Variants in ZDHHC13 observed in about 807,000 individuals in gnomAD.
ZDHHC13 encodes the protein zDHHC palmitoyltransferase 13.
In ZDHHC13, 85 loss-of-function variants were observed where a neutral mutation model predicts 86.0. The ratio of observed to expected loss-of-function variants is 0.99; its 90% CI spans 0.83 to 1.18. ZDHHC13 has a LOEUF of 1.18. Ranked by LOEUF, ZDHHC13 falls within the 50% of genes most tolerant of loss-of-function variation. The pLI, the probability that ZDHHC13 is intolerant of heterozygous loss-of-function variation, is 0.00. For synonymous variants in ZDHHC13, 263 were observed against 246.4 expected (o/e 1.07, Z -0.63); for missense variants, 711 against 730.2 (o/e 0.97, Z 0.30).
At chr11:19,137,859 C>G (rs200586148) in intron 1 of ZDHHC13, among the ~76,000 whole-genome samples, 3,518 of 151,990 alleles carry the variant, frequency 0.023, 22 homozygotes, top group East Asian at 0.12. Flanking sequence ...TTCTTTGAAA[C>G]CAACGAGAAC....
intron 16 of ZDHHC13, 142 bp downstream of exon 16, chr11:19,172,962 G>A (rs1850264343): frequency 4.5e-6 from 3 of 673,386 alleles, no homozygotes; most frequent in East Asian, 6.0e-5. Flanking sequence ...TCTTAGAGAA[G>A]CTTTAGTGAT....
intron 5 of ZDHHC13, 53 bp from the exon 6 acceptor site, chr11:19,150,674 A>C: frequency 6.7e-7 from 1 of 1,486,892 alleles, no homozygotes; most frequent in Admixed American, 1.7e-5. Context: ...TAAGAGAACA[A>C]ATAGACTTTT....
intron 8 of ZDHHC13, among the ~76,000 whole-genome samples, chr11:19,155,535 CGCACCATTGT>C (rs1463160095): frequency 6.8e-6 from 1 of 147,276 alleles, no homozygotes; most frequent in Non-Finnish European, 1.5e-5. Flanking sequence ...GAGCCGAGAT[CGCACCATTGT>C]GCTCCAGCCT....
In ZDHHC13 at chr11:19,172,741, A is replaced by T. The variant is rs1291570481; in HGVS notation, c.1651A>T (p.Thr551Ser). The stretch of plus-strand genomic sequence containing the variant: ...TTTTCAGATTGCCTTTCTGGGCCTG[A>T]CCTCCCATGAGAGAATCAGCCTGCA... ...QLFQIAFLGL[T>S]SHERISLQKQ... The change falls in exon 16 of 17, where the codon ACC (threonine) becomes TCC (serine). Residue 551 changes from threonine (T) to serine (S), a missense_variant. Coordinates refer to ENST00000446113, the MANE Select transcript of ZDHHC13 (RefSeq NM_019028.3). 4 of 1,601,900 alleles carry T rather than the reference A, an allele frequency of 2.5e-6. No individual in the cohort carries two copies. The East Asian group carries it at 9.0e-5, about 36-fold the overall frequency.
chr11:19,175,417 A>AAAAAT (rs1850336963), intron 16 of ZDHHC13, among the ~76,000 whole-genome samples: 1 of 135,684 alleles, frequency 7.4e-6, no homozygotes, highest in Non-Finnish European at 1.6e-5. Context: ...AAAAAAAAAA[A>AAAAAT]GGTTTAGGGA....
At chr11:19,171,156 T>A (rs1344769360) in intron 15 of ZDHHC13, among the ~76,000 whole-genome samples, 1 of 152,200 alleles carries the variant, frequency 6.6e-6, no homozygotes, top group Non-Finnish European at 1.5e-5. Context: ...AGTAATTACA[T>A]TTTCAGAGAA....
At position 19,158,954 on chromosome 11, in the gene ZDHHC13, A is replaced by C; in HGVS notation, c.1022A>C (p.Tyr341Ser). 1 of 1,542,294 alleles carries C rather than the reference A, an allele frequency of 6.5e-7. No homozygotes were observed. The highest frequency in any genetic ancestry group is 8.7e-7 in the Non-Finnish European group (1 of 1,143,418). Residue 341 changes from tyrosine to serine, a missense_variant, in exon 10 of 17, where the codon TAT (tyrosine) becomes TCT (serine). Coordinates refer to ENST00000446113, the MANE Select transcript of ZDHHC13 (RefSeq NM_019028.3). ...TTTTCTTTTAGGTTCTTGGTTGGGTATAAGAACCTTGTATACTTACCAACA... is the reference window on the plus strand; with the variant it reads ...TTTTCTTTTAGGTTCTTGGTTGGGTCTAAGAACCTTGTATACTTACCAACA... Reference protein sequence around the residue: ...TSLFPRFLVGYKNLVYLPTAF... With the variant: ...TSLFPRFLVGSKNLVYLPTAF...
At chr11:19,163,257 A>ATTATTT (rs1459217388) in intron 10 of ZDHHC13, 46 bp from the exon 11 acceptor site, 1 of 1,544,330 alleles carries the variant, frequency 6.5e-7, no homozygotes, top group African/African-American at 1.4e-5. Flanking sequence ...TCATAATTAC[A>ATTATTT]TTATTTTTAA....
intron 1 of ZDHHC13, among the ~76,000 whole-genome samples, chr11:19,132,277 G>T (rs1849017814): frequency 1.3e-5 from 2 of 152,226 alleles, no homozygotes; most frequent in Middle Eastern, 3.4e-3. Context: ...CTGATTTTAG[G>T]CTTCTCTAGA....
At chr11:19,163,236 A>G in intron 10 of ZDHHC13, 67 bp from the exon 11 acceptor site, 1 of 1,492,686 alleles carries the variant, frequency 6.7e-7, no homozygotes, top group Non-Finnish European at 8.9e-7. Flanking sequence ...CAATGATGAA[A>G]TTTGCTTACA....
intron 1 of ZDHHC13, among the ~76,000 whole-genome samples, chr11:19,139,037 C>G (rs997054368): frequency 2.0e-5 from 3 of 152,060 alleles, no homozygotes; most frequent in Non-Finnish European, 2.9e-5. Context: ...CACTCCTATT[C>G]AACATAGTGT....
intron 1 of ZDHHC13, among the ~76,000 whole-genome samples, chr11:19,135,004 C>T (rs1027117021): frequency 1.3e-5 from 2 of 152,216 alleles, no homozygotes; most frequent in South Asian, 2.1e-4. Context: ...TGCACTCCAG[C>T]GTGGGCAACA....
At chr11:19,123,989 A>G (rs1848813636) in intron 1 of ZDHHC13, among the ~76,000 whole-genome samples, 1 of 152,172 alleles carries the variant, frequency 6.6e-6, no homozygotes, top group African/African-American at 2.4e-5. Context: ...GTCAGAATCT[A>G]TTTATGTTTA....
chr11:19,166,452 C>T (rs375843033), intron 14 of ZDHHC13, 67 bp downstream of exon 14: 1 of 1,275,688 alleles, frequency 7.8e-7, no homozygotes, highest in East Asian at 2.4e-5. Flanking sequence ...CCTTGTAAAC[C>T]CTTGTATATC....
At chr11:19,147,771 T>TC (rs1565030945) in intron 4 of ZDHHC13, 98 bp downstream of exon 4, 28 of 527,126 alleles carry the variant, frequency 5.3e-5, no homozygotes, top group East Asian at 1.7e-4. Context: ...CTGTCTTTTC[T>TC]TCCCCCCCCC....
chr11:19,125,623 C>T (rs781119234), intron 1 of ZDHHC13, among the ~76,000 whole-genome samples: 10 of 152,186 alleles, frequency 6.6e-5, no homozygotes, highest in Non-Finnish European at 8.8e-5. Context: ...AGGATGTTCA[C>T]ACAAAAGTTT....
Position 19,133,248 on chromosome 11 carries a change from CT to C in ZDHHC13, c.28-9728del, listed in dbSNP as rs1461805577. Among the ~76,000 whole-genome samples the C allele has an allele frequency of 2.6e-5, 4 of 152,184 alleles. No individual in the cohort carries two copies. In the East Asian group the frequency reaches 7.7e-4, roughly 29 times the overall value. ...TTAGAGCAACAGAAGCACTCATACC[CT>C]TCAGGGGAAAGTTTAACTGGTACAA... is the stretch of plus-strand genomic sequence containing the variant. On this transcript the variant is annotated intron_variant, in intron 1 of 16. Transcript: ENST00000446113.
In ZDHHC13 at chr11:19,164,263, A is replaced by G. The variant is rs757884463; in HGVS notation, c.1234-38A>G. ...ATAACCATGCATAATACATTTTCCA[A>G]TAAAATGTGGTAATAGGTCAAACTT... is the stretch of plus-strand genomic sequence containing the variant. On this transcript the variant is annotated intron_variant, in intron 11 of 16. Transcript: ENST00000446113. 44 of 1,601,170 alleles carry G rather than the reference A, an allele frequency of 2.7e-5. 1 individual carries two copies. Among genetic ancestry groups the G allele is most frequent in the South Asian group, 1.7e-4 (15 of 90,346 alleles).
chr11:19,150,606 T>G, intron 5 of ZDHHC13, 121 bp from the exon 6 acceptor site: 2 of 779,554 alleles, frequency 2.6e-6, no homozygotes, highest in East Asian at 5.2e-5. Context: ...CAAATGATAT[T>G]TGAGCCCTTT....
Sources: allele counts gnomAD v4.1 joint callset (sites outside exome capture counted in the v4.1 genomes callset), GRCh38; gene constraint gnomAD v4.1.1; transcripts MANE v1.5; gene names NCBI Gene and HGNC (gene_info 2026-07-23, HGNC 2026-07-21).